Variants in KLHL3 observed in about 807,000 individuals in gnomAD.
KLHL3 encodes kelch like family member 3.
Under a neutral mutation model 70.5 loss-of-function variants are expected in KLHL3, and 19 were observed. The observed-to-expected ratio is 0.27, with a 90% CI of 0.19 to 0.40. KLHL3 has a LOEUF of 0.40. Among genes scored for constraint, KLHL3 ranks in the 10% least tolerant of loss-of-function variants. The pLI is 1.00. For synonymous variants in KLHL3, 258 were observed against 290.3 expected (o/e 0.89, Z 1.13); for missense variants, 512 against 771.1 (o/e 0.66, Z 3.98).
At chr5:137,665,118 C>G (rs1383183293) in intron 6 of KLHL3, among the ~76,000 whole-genome samples, 1 of 152,136 alleles carries the variant, frequency 6.6e-6, no homozygotes, top group African/African-American at 2.4e-5. Context: ...ATGTTTGCAA[C>G]ATTCTATAGG....
chr5:137,688,346 G>T (rs569142688), intron 5 of KLHL3, among the ~76,000 whole-genome samples: 12 of 152,260 alleles, frequency 7.9e-5, no homozygotes, highest in African/African-American at 2.9e-4. Context: ...AAGTAGGAGG[G>T]CCTGCTCACT....
intron 1 of KLHL3, among the ~76,000 whole-genome samples, chr5:137,729,705 A>C (rs542217465): frequency 6.6e-6 from 1 of 152,272 alleles, no homozygotes; most frequent in African/African-American, 2.4e-5. Context: ...GACCCTATAT[A>C]GATAGGATTT....
In KLHL3 at chr5:137,621,783, C is replaced by G. The variant is rs1750311873; in HGVS notation, c.*315G>C. 2.9e-6 allele frequency: 1 copy of G among 345,800 alleles called. No individual in the cohort carries two copies. The highest frequency in any genetic ancestry group is 5.4e-6 in the Non-Finnish European group (1 of 185,520). 21.4% of individuals were successfully genotyped at this position (345,800 alleles called of 1,614,324 possible). ...ATAGAGAAACACCATGGTCTACACA[C>G]ACACACACACACACACACACTCCAG... On this transcript the variant is annotated 3_prime_UTR_variant, in exon 15 of 15. Coordinates refer to ENST00000309755, the MANE Select transcript of KLHL3 (RefSeq NM_017415.3).
At chr5:137,727,142 G>A (rs530718925) in intron 1 of KLHL3, among the ~76,000 whole-genome samples, 2 of 152,048 alleles carry the variant, frequency 1.3e-5, no homozygotes, top group East Asian at 3.9e-4. Context: ...TACTCTTTCT[G>A]TATTCTCTAT....
intron 3 of KLHL3, among the ~76,000 whole-genome samples, chr5:137,704,535 C>T (rs1024707935): frequency 6.6e-6 from 1 of 152,232 alleles, no homozygotes; most frequent in Non-Finnish European, 1.5e-5. Flanking sequence ...AACTCCAAAC[C>T]TCTTCTATGA....
chr5:137,659,566 C>T (rs1355160771), intron 7 of KLHL3, among the ~76,000 whole-genome samples: 1 of 152,094 alleles, frequency 6.6e-6, no homozygotes, highest in Non-Finnish European at 1.5e-5. Context: ...TCATAAACTT[C>T]TAGGGTCAAT....
At chr5:137,644,222 C>T (rs910847156) in intron 8 of KLHL3, among the ~76,000 whole-genome samples, 2 of 152,122 alleles carry the variant, frequency 1.3e-5, no homozygotes, top group Non-Finnish European at 2.9e-5. Context: ...GTGCCCACCA[C>T]CACACCCGGC....
At position 137,722,705 on chromosome 5, in the gene KLHL3, G is replaced by A. The variant is rs529490103; in HGVS notation, c.15-2121C>T. 3.9e-5 allele frequency among the ~76,000 whole-genome samples: 6 copies of A among 151,992 alleles called. No individual in the cohort carries two copies. In the East Asian group the frequency reaches 9.6e-4, roughly 24 times the overall value. On this transcript the variant is annotated intron_variant, in intron 1 of 14. Coordinates refer to ENST00000309755, the MANE Select transcript of KLHL3 (RefSeq NM_017415.3). ...TTATTTTTTCTCTTTTTTTGAGATAGTTTCACTCTGTCATCCAGGCTGGAG... is the reference window on the plus strand; with the variant it reads ...TTATTTTTTCTCTTTTTTTGAGATAATTTCACTCTGTCATCCAGGCTGGAG...
chr5:137,695,032 C>T (rs1003539749), intron 4 of KLHL3, among the ~76,000 whole-genome samples: 6 of 152,156 alleles, frequency 3.9e-5, no homozygotes, highest in Non-Finnish European at 7.4e-5. Context: ...CAACCCCATA[C>T]GCATATACAA....
intron 14 of KLHL3, among the ~76,000 whole-genome samples, chr5:137,624,126 G>T (rs1039912298): frequency 2.6e-5 from 4 of 152,120 alleles, no homozygotes; most frequent in Non-Finnish European, 5.9e-5. Flanking sequence ...GTAATTCTCA[G>T]TTTTTTGCTA....
intron 5 of KLHL3, among the ~76,000 whole-genome samples, chr5:137,687,043 G>A (rs1395727041): frequency 5.5e-5 from 6 of 109,030 alleles, no homozygotes; most frequent in Non-Finnish European, 2.0e-5. Context: ...CCCCCGCCCG[G>A]CCAGCCGCCC....
intron 5 of KLHL3, 74 bp downstream of exon 5, chr5:137,692,211 T>C (rs1752339731): frequency 1.5e-6 from 2 of 1,330,638 alleles, no homozygotes; most frequent in Non-Finnish European, 2.1e-6. Flanking sequence ...TCATAATCTT[T>C]GAGGAGTCTG....
intron 2 of KLHL3, among the ~76,000 whole-genome samples, chr5:137,712,921 G>GA (rs967317769): frequency 2.6e-5 from 4 of 151,362 alleles, no homozygotes; most frequent in East Asian, 1.9e-4. Flanking sequence ...TTCATATTTT[G>GA]AAAAAAAATT....
chr5:137,649,567 C>T (rs567969282), intron 8 of KLHL3, among the ~76,000 whole-genome samples: 1 of 152,314 alleles, frequency 6.6e-6, no homozygotes, highest in South Asian at 2.1e-4. Context: ...CTAAGCCACT[C>T]CAGGATTCCT....
At chr5:137,666,844 C>T (rs1219286601) in intron 6 of KLHL3, among the ~76,000 whole-genome samples, 2 of 152,182 alleles carry the variant, frequency 1.3e-5, no homozygotes, top group African/African-American at 4.8e-5. Flanking sequence ...TAACCCTTCC[C>T]ACCAAGGGAC....
chr5:137,631,835 T>C (rs1323854748), intron 12 of KLHL3, among the ~76,000 whole-genome samples: 1 of 152,184 alleles, frequency 6.6e-6, no homozygotes, highest in Non-Finnish European at 1.5e-5. Context: ...GAGCGTATTA[T>C]CTCATCCATT....
intron 2 of KLHL3, among the ~76,000 whole-genome samples, chr5:137,710,657 G>A (rs910203072): frequency 6.6e-6 from 1 of 152,168 alleles, no homozygotes; most frequent in South Asian, 2.1e-4. Flanking sequence ...TTGATAGGGT[G>A]CCACAAGCTC....
intron 5 of KLHL3, among the ~76,000 whole-genome samples, chr5:137,688,888 A>G (rs1363371680): frequency 6.6e-6 from 1 of 152,240 alleles, no homozygotes; most frequent in Non-Finnish European, 1.5e-5. Flanking sequence ...ACACAGACCC[A>G]TAATGCAGAC....
chr5:137,695,078 C>T (rs111721795), intron 4 of KLHL3, among the ~76,000 whole-genome samples: 1,704 of 152,286 alleles, frequency 0.011, 33 homozygotes, highest in African/African-American at 0.039. Flanking sequence ...TTCCCCCTTC[C>T]CCTCTTCCAA....
Sources: allele counts gnomAD v4.1 joint callset (sites outside exome capture counted in the v4.1 genomes callset), GRCh38; gene constraint gnomAD v4.1.1; transcripts MANE v1.5; gene names NCBI Gene and HGNC (gene_info 2026-07-23, HGNC 2026-07-21).